The following ACAD9 variants were observed in gnomAD, a reference collection of about 807,000 sequenced individuals.
ACAD9 encodes acyl-CoA dehydrogenase family member 9, also known as complex I assembly factor ACAD9, mitochondrial.
Under a neutral mutation model 70.2 loss-of-function variants are expected in ACAD9, and 53 were observed. The ratio of observed to expected loss-of-function variants is 0.75; its 90% CI spans 0.61 to 0.95. ACAD9 has a LOEUF of 0.95. Ranked by LOEUF, ACAD9 falls within the 40% of genes least tolerant of loss-of-function variation. The probability of loss-of-function intolerance (pLI) is 0.00; values close to 1 mark genes in which losing one functional copy is unlikely to be tolerated. For synonymous variants in ACAD9, 313 were observed against 312.1 expected (o/e 1.00, Z -0.03); for missense variants, 777 against 802.8 (o/e 0.97, Z 0.39).
chr3:128,903,058 A>T (rs566705762), intron 9 of ACAD9, among the ~76,000 whole-genome samples: 2 of 151,932 alleles, frequency 1.3e-5, no homozygotes, highest in African/African-American at 4.8e-5. Context: ...GGGGAGTAGG[A>T]TCGGGTTTGG....
chr3:128,910,915 C>T, intron 17 of ACAD9, 102 bp downstream of exon 17: 1 of 1,380,340 alleles, frequency 7.2e-7, no homozygotes, highest in Non-Finnish European at 1.0e-6. Context: ...AGCCTGCTAG[C>T]TACTCACAGA....
chr3:128,881,229 C>T (rs959562479), intron 1 of ACAD9, among the ~76,000 whole-genome samples: 2 of 152,222 alleles, frequency 1.3e-5, no homozygotes, highest in African/African-American at 4.8e-5. Context: ...GGTGCTCTAT[C>T]CTGGGACTTC....
intron 6 of ACAD9, among the ~76,000 whole-genome samples, 169 bp downstream of exon 6, chr3:128,897,879 C>T (rs1034913828): frequency 3.3e-5 from 5 of 151,610 alleles, no homozygotes; most frequent in East Asian, 1.9e-4. Flanking sequence ...TTTTTATTTG[C>T]GATGGAGTCT....
chr3:128,909,325 G>A lies in ACAD9; in HGVS notation c.1486-19G>A, dbSNP rs1459446712. On this transcript the variant is annotated intron_variant, in intron 14 of 17. Transcript: ENST00000308982. ...CTGTAGGGATGAGGTGCTGAACTGA[G>A]TCCTGTCTTGGTTAATAGGACAGTG... 1 of 1,613,934 alleles carries A rather than the reference G, an allele frequency of 6.2e-7. No homozygotes were observed. Among genetic ancestry groups the A allele is most frequent in the Non-Finnish European group, 8.5e-7 (1 of 1,179,914 alleles).
chr3:128,895,905 C>T (rs995471506), intron 4 of ACAD9, among the ~76,000 whole-genome samples: 18 of 152,238 alleles, frequency 1.2e-4, no homozygotes, highest in African/African-American at 3.6e-4. Flanking sequence ...ACACCATGCT[C>T]GGCTCCCCCA....
rs565599448 is a variant in ACAD9, at chr3:128,909,636, G to A, written c.1563+215G>A. 4.5e-4 allele frequency: 254 copies of A among 568,666 alleles called. No homozygotes were observed. In the African/African-American group the frequency reaches 4.5e-3, roughly 10 times the overall value. The allele number at this position is 568,666 out of a possible 1,614,324, so 35.2% of individuals were successfully genotyped here. ...ACCCTTGCTGGGTGAGTTTTCTGCAGTGTTTTTCTGTGCACCTTTCAGGTA... is the reference window on the plus strand; with the variant it reads ...ACCCTTGCTGGGTGAGTTTTCTGCAATGTTTTTCTGTGCACCTTTCAGGTA... On this transcript the variant is annotated intron_variant, in intron 15 of 17. Coordinates refer to ENST00000308982, the MANE Select transcript of ACAD9 (RefSeq NM_014049.5).
rs563500364 is a variant in ACAD9 at position 128,887,486 on chromosome 3, A to C, written c.244+2740A>C. On this transcript the variant is annotated intron_variant, in intron 2 of 17. Coordinates refer to ENST00000308982, the MANE Select transcript of ACAD9 (RefSeq NM_014049.5). Reference sequence around the variant, plus strand: ...GCCGGGCATGGTGGTGCGCGCCCATAGTCCCAGCTACTTGGGAGTCTGAGG... The same window carrying C: ...GCCGGGCATGGTGGTGCGCGCCCATCGTCCCAGCTACTTGGGAGTCTGAGG... Among the ~76,000 whole-genome samples, 6 of 151,888 alleles carry C rather than the reference A, an allele frequency of 4.0e-5. No homozygotes were observed. In the East Asian group the frequency reaches 1.2e-3, roughly 29 times the overall value.
chr3:128,902,883 T>C lies in ACAD9; in HGVS notation c.958+255T>C, dbSNP rs1018681279. The stretch of plus-strand genomic sequence containing the variant: ...TGGGGGACAGGCTTTCTGTCTGGGG[T>C]GGGGATGGGGATTGGGGAATGGGCT... On this transcript the variant is annotated intron_variant, in intron 9 of 17. Transcript: ENST00000308982. The surrounding 1 kb of genome is among the most constrained non-coding windows in gnomAD (Gnocchi z 4.0). Among the ~76,000 whole-genome samples the C allele has an allele frequency of 6.6e-6, 1 of 151,460 alleles. No homozygotes were observed. The highest frequency in any genetic ancestry group is 2.1e-4 in the South Asian group (1 of 4,766).
At chr3:128,894,415 T>C (rs1013381021) in intron 3 of ACAD9, among the ~76,000 whole-genome samples, 2 of 152,172 alleles carry the variant, frequency 1.3e-5, no homozygotes, top group Non-Finnish European at 2.9e-5. Context: ...ATTGATTCGA[T>C]GTGTGTGTAG....
rs779610933 is a variant in ACAD9, at chr3:128,909,420, A to G, written c.1562A>G (p.Lys521Arg). ...TVETLLLRFG[K>R]TIMEEQLVLK... The stretch of plus-strand genomic sequence containing the variant: ...GAGACACTGCTGCTCCGCTTTGGCA[A>G]GGTAACCAGGCCCTCCCAGGCCTGG... The change falls in exon 15 of 18, where the codon AAG (lysine) becomes AGG (arginine). Residue 521 changes from lysine to arginine, a missense_variant and splice_region_variant. By Grantham distance (26) the Lys-to-Arg change is conservative. Transcript: ENST00000308982. 2 of 1,614,030 alleles carry G rather than the reference A, an allele frequency of 1.2e-6. No individual in the cohort carries two copies. The highest frequency in any genetic ancestry group is 1.7e-5 in the Admixed American group (1 of 60,026).
intron 1 of ACAD9, 125 bp downstream of exon 1, chr3:128,879,966 C>A (rs751625322): frequency 7.0e-5 from 109 of 1,564,194 alleles, no homozygotes; most frequent in Non-Finnish European, 8.7e-5. Context: ...GCGGCCGAGG[C>A]GTGTTAACAC....
At chr3:128,901,234 G>T in intron 7 of ACAD9, 42 bp from the exon 8 acceptor site, 2 of 1,586,122 alleles carry the variant, frequency 1.3e-6, no homozygotes, top group Non-Finnish European at 1.7e-6. Context: ...ATGCAGAGTG[G>T]TTTGCATTGT....
At chr3:128,904,225 G>A in intron 10 of ACAD9, 93 bp downstream of exon 10, 2 of 1,581,348 alleles carry the variant, frequency 1.3e-6, no homozygotes, top group Non-Finnish European at 1.7e-6. Flanking sequence ...CTTCTGTGGT[G>A]ATTTGGGAAG....
At chr3:128,892,035 G>C (rs923492568) in intron 2 of ACAD9, among the ~76,000 whole-genome samples, 4 of 152,132 alleles carry the variant, frequency 2.6e-5, no homozygotes, top group Non-Finnish European at 2.9e-5. Flanking sequence ...AGTTAAAGAA[G>C]CCCGGGAAAA....
chr3:128,880,119 A>G, intron 1 of ACAD9: 2 of 1,117,290 alleles, frequency 1.8e-6, no homozygotes, highest in South Asian at 1.5e-5. Flanking sequence ...TAGGTAATTA[A>G]CAAAGCAGCC....
At chr3:128,909,504 C>T (rs1461918388) in intron 15 of ACAD9, 83 bp downstream of exon 15, 2 of 1,394,404 alleles carry the variant, frequency 1.4e-6, no homozygotes, top group East Asian at 4.6e-5. Flanking sequence ...GTCAAGCATC[C>T]TTTGGGACCA....
At chr3:128,884,630 T>A in intron 1 of ACAD9, 23 bp from the exon 2 acceptor site, 1 of 1,561,336 alleles carries the variant, frequency 6.4e-7, no homozygotes, top group Non-Finnish European at 8.8e-7. Flanking sequence ...TTAAATTTTT[T>A]AGAAAATATT....
intron 3 of ACAD9, 129 bp from the exon 4 acceptor site, chr3:128,895,181 T>C: frequency 1.3e-6 from 1 of 773,926 alleles, no homozygotes; most frequent in Non-Finnish European, 2.2e-6. Flanking sequence ...CCGGCCTGTA[T>C]TGTGATTTTT....
chr3:128,893,671 C>T lies in ACAD9; in HGVS notation c.346+15C>T. ...AGAAGAATATGGTAAGTCAAGCAAACAAGCACCCAGCCAGTTTAGCTCTTA... is the reference window on the plus strand; with the variant it reads ...AGAAGAATATGGTAAGTCAAGCAAATAAGCACCCAGCCAGTTTAGCTCTTA... On this transcript the variant is annotated intron_variant, in intron 3 of 17. Coordinates refer to ENST00000308982, the MANE Select transcript of ACAD9 (RefSeq NM_014049.5). 1 of 1,603,784 alleles carries T rather than the reference C, an allele frequency of 6.2e-7. No individual in the cohort carries two copies. Among genetic ancestry groups the T allele is most frequent in the Non-Finnish European group, 8.5e-7 (1 of 1,170,718 alleles).
Sources: allele counts gnomAD v4.1 joint callset (sites outside exome capture counted in the v4.1 genomes callset), GRCh38; gene constraint gnomAD v4.1.1; non-coding constraint Gnocchi (gnomAD v3.1); transcripts MANE v1.5; gene names NCBI Gene and HGNC (gene_info 2026-07-23, HGNC 2026-07-21).